The following PCDHA5 variants were observed in gnomAD, a reference collection of about 807,000 sequenced individuals.
PCDHA5 encodes the protein protocadherin alpha-5.
PCDHA5 carries 43 observed loss-of-function variants against 61.6 expected under a neutral mutation model. The ratio of observed to expected loss-of-function variants is 0.70; its 90% CI spans 0.55 to 0.90. The LOEUF (loss-of-function observed/expected upper bound fraction) is 0.90. PCDHA5 is among the 40% of genes least tolerant of loss of function. PCDHA5 has a pLI of 0.00. For synonymous variants in PCDHA5, 627 were observed against 543.9 expected (o/e 1.15, Z -2.13); for missense variants, 1,298 against 1,222.7 (o/e 1.06, Z -0.92).
intron 1 of PCDHA5, chr5:140,967,799 A>G: frequency 1.2e-6 from 2 of 1,614,190 alleles, no homozygotes; most frequent in Non-Finnish European, 1.7e-6. Context: ...TCCAGTGCCC[A>G]TGGCAGGTCA....
In PCDHA5 at chr5:140,856,768, C is replaced by G; in HGVS notation, c.2352+32641C>G. 1.3e-6 allele frequency: 2 copies of G among 1,596,818 alleles called. 1 individual carries two copies. ...TAGATGCCAATGATAACGCCCCTAT[C>G]TTTGACAGACCGGTTTATGAAGTTA... On this transcript the variant is annotated intron_variant, in intron 1 of 3. Coordinates refer to ENST00000529859, the MANE Select transcript of PCDHA5 (RefSeq NM_018908.3).
intron 1 of PCDHA5, chr5:140,850,407 G>A (rs2150482736): frequency 6.3e-7 from 1 of 1,597,938 alleles, no homozygotes; most frequent in Admixed American, 1.7e-5. Flanking sequence ...GCGTGCCCTG[G>A]ACGAAACGGA....
chr5:140,993,617 C>A (rs1299213362), intron 3 of PCDHA5, among the ~76,000 whole-genome samples: 3 of 152,034 alleles, frequency 2.0e-5, no homozygotes, highest in Non-Finnish European at 4.4e-5. Context: ...TGTTGGGACC[C>A]TCTATATATA....
At chr5:140,999,521 T>C (rs1554256849) in intron 3 of PCDHA5, among the ~76,000 whole-genome samples, 1 of 152,106 alleles carries the variant, frequency 6.6e-6, no homozygotes, top group Non-Finnish European at 1.5e-5. Flanking sequence ...AGCATTTTGT[T>C]ACCCCCTGGA....
rs1277390291 is a variant in PCDHA5 at position 140,926,661 on chromosome 5, A to T, written c.2353-52288A>T. 7.5e-6 allele frequency: 4 copies of T among 536,378 alleles called. No homozygotes were observed. In the African/African-American group the frequency reaches 7.9e-5, roughly 11 times the overall value. The allele number at this position is 536,378 out of a possible 1,614,324, so 33.2% of individuals were successfully genotyped here. A position where few individuals can be genotyped will look rare whatever the true frequency, so the allele number is the denominator to read the frequency against. On this transcript the variant is annotated intron_variant, in intron 1 of 3. Coordinates refer to ENST00000529859, the MANE Select transcript of PCDHA5 (RefSeq NM_018908.3). ...AACACCCGGCCGGCTCCGCTTTCCC[A>T]GACGGCTGCCCAGCCTCCAGCCTAG...
At chr5:140,884,186 G>T in intron 1 of PCDHA5, 1 of 1,613,444 alleles carries the variant, frequency 6.2e-7, no homozygotes, top group East Asian at 2.2e-5. Context: ...TCTGGACGAG[G>T]TGGACGCGCC....
rs199814121 is a variant in PCDHA5, at chr5:140,884,467, G to T, written c.2352+60340G>T. 3.9e-5 allele frequency: 63 copies of T among 1,613,778 alleles called. No individual in the cohort carries two copies. In the East Asian group the frequency reaches 1.3e-3, roughly 33 times the overall value. The stretch of plus-strand genomic sequence containing the variant: ...CACCGCCCACCGAGGGCGCGTGCGC[G>T]CCGGGCAAGCCCACTCTAGTGTGCT... On this transcript the variant is annotated intron_variant, in intron 1 of 3. Transcript: ENST00000529859.
chr5:140,841,219 G>C (rs2150312047), intron 1 of PCDHA5: 33 of 1,437,984 alleles, frequency 2.3e-5, no homozygotes, highest in Admixed American at 4.6e-5. Flanking sequence ...TCTAAAGGCC[G>C]AACAACGGGA....
At chr5:140,829,927 G>A in intron 1 of PCDHA5, 3 of 1,614,016 alleles carry the variant, frequency 1.9e-6, no homozygotes, top group Non-Finnish European at 2.5e-6. Context: ...ATGAGCTGCA[G>A]CCCCCGGCAA....
At chr5:140,863,561 A>G (rs1581693390) in intron 1 of PCDHA5, 1 of 376,820 alleles carries the variant, frequency 2.7e-6, no homozygotes. Flanking sequence ...GAAATTTTTG[A>G]GAATATAAGT....
At chr5:140,907,500 G>T (rs2073413620) in intron 1 of PCDHA5, among the ~76,000 whole-genome samples, 1 of 152,228 alleles carries the variant, frequency 6.6e-6, no homozygotes, top group Non-Finnish European at 1.5e-5. Flanking sequence ...TCCAGAGTAA[G>T]TGTCTATTCC....
At chr5:140,862,356 A>G in intron 1 of PCDHA5, 1 of 338,010 alleles carries the variant, frequency 3.0e-6, no homozygotes, top group Non-Finnish European at 5.8e-6. Context: ...GCCAAGGGAC[A>G]GACGACCCGC....
At chr5:140,950,073 G>T (rs2094447306) in intron 1 of PCDHA5, among the ~76,000 whole-genome samples, 1 of 151,672 alleles carries the variant, frequency 6.6e-6, no homozygotes, top group Non-Finnish European at 1.5e-5. Flanking sequence ...CTGTGCCATT[G>T]CTTATGCTAT....
intron 1 of PCDHA5, among the ~76,000 whole-genome samples, chr5:140,942,993 AT>A (rs1228666837): frequency 3.3e-5 from 5 of 152,166 alleles, no homozygotes; most frequent in African/African-American, 1.2e-4. Context: ...GTGGTGGCTC[AT>A]GCCTGTAATC....
chr5:140,880,365 C>A (rs1462418898), intron 1 of PCDHA5, among the ~76,000 whole-genome samples: 1 of 151,976 alleles, frequency 6.6e-6, no homozygotes, highest in Non-Finnish European at 1.5e-5. Flanking sequence ...TAGATGAAAA[C>A]CATGAGAGAA....
chr5:140,902,381 A>G (rs2153476778), intron 1 of PCDHA5, among the ~76,000 whole-genome samples: 1 of 152,036 alleles, frequency 6.6e-6, no homozygotes, highest in South Asian at 2.1e-4. Flanking sequence ...TGCTCTAGCT[A>G]AGAGTACTAT....
intron 1 of PCDHA5, chr5:140,966,442 T>C (rs1474683794): frequency 4.7e-6 from 2 of 424,056 alleles, no homozygotes; most frequent in East Asian, 3.6e-5. Flanking sequence ...TACCGCTCCC[T>C]TTCCCCCTCC....
chr5:140,821,824 T>C lies in PCDHA5; in HGVS notation c.49T>C (p.Trp17Arg), dbSNP rs2150110897. The stretch of plus-strand genomic sequence containing the variant: ...TCTGGGATCCCGGCTCCTGCTGCTC[T>C]GGCTTCTCCTTGCCTACTGGAAGGC... Reference protein sequence around the residue: ...GSLGSRLLLLWLLLAYWKAGS... With the variant: ...GSLGSRLLLLRLLLAYWKAGS... Residue 17 changes from tryptophan (W) to arginine (R), a missense_variant, in exon 1 of 4, where the codon TGG becomes CGG. Trp to Arg is a moderately radical substitution (Grantham distance 101, BLOSUM62 -3). Coordinates refer to ENST00000529859, the MANE Select transcript of PCDHA5 (RefSeq NM_018908.3). The C allele has an allele frequency of 9.9e-6, 16 of 1,614,004 alleles. No individual in the cohort carries two copies. Among genetic ancestry groups the C allele is most frequent in the East Asian group, 2.2e-5 (1 of 44,896 alleles).
chr5:140,926,762 C>A (rs1186997274), intron 1 of PCDHA5: 5 of 1,326,554 alleles, frequency 3.8e-6, no homozygotes, highest in East Asian at 2.8e-5. Context: ...CGCTGAGTAT[C>A]CAGCCCGCAG....
Sources: allele counts gnomAD v4.1 joint callset (sites outside exome capture counted in the v4.1 genomes callset), GRCh38; gene constraint gnomAD v4.1.1; transcripts MANE v1.5; gene names NCBI Gene and HGNC (gene_info 2026-07-23, HGNC 2026-07-21).